The following ROBO1 variants were observed in gnomAD, a reference collection of about 807,000 sequenced individuals.
The protein encoded by ROBO1 is roundabout guidance receptor 1, also known as roundabout homolog 1.
A neutral mutation model predicts 195.9 loss-of-function variants in ROBO1; 149 were observed. That is an observed-to-expected ratio of 0.76 (90% CI 0.67 to 0.87). The LOEUF (loss-of-function observed/expected upper bound fraction) is 0.87, where lower values mean the gene tolerates loss of function less well. Ranked by LOEUF, ROBO1 falls within the 40% of genes least tolerant of loss-of-function variation. ROBO1 has a pLI of 0.00. For missense variants in ROBO1, 1,933 were observed against 2,068.3 expected, an observed-to-expected ratio of 0.93 and a Z score of 1.27; for synonymous variants, 816 against 733.2, an observed-to-expected ratio of 1.11 and a Z score of -1.82.
Position 79,361,376 on chromosome 3 carries a change from T to C in ROBO1, c.88+228448A>G, listed in dbSNP as rs911816092. On this transcript the variant is annotated intron_variant, in intron 2 of 30. Coordinates refer to ENST00000464233, the MANE Select transcript of ROBO1 (RefSeq NM_002941.4). ...AAAATCATCTTTACTATGAGATTTG[T>C]CATAGGTAGCAAAAGGAGAAAAGCA... Among the ~76,000 whole-genome samples the C allele has an allele frequency of 2.7e-4, 41 of 152,032 alleles. 1 individual carries two copies. The highest frequency in any genetic ancestry group is 9.9e-4 in the African/African-American group (41 of 41,426).
intron 2 of ROBO1, among the ~76,000 whole-genome samples, chr3:79,143,306 T>C (rs777835495): frequency 5.8e-4 from 88 of 152,210 alleles, no homozygotes; most frequent in Non-Finnish European, 1.2e-3. Flanking sequence ...TAAAACTGCT[T>C]GCTTACCTAT....
Position 79,721,878 on chromosome 3 carries a change from C to T in ROBO1, c.-51+45874G>A, listed in dbSNP as rs72901781. On this transcript the variant is annotated intron_variant, in intron 1 of 30. Transcript: ENST00000464233. ...ATTGTTTAAAAATATAAAAGTAAAGCCCCCCATTGTCCAAAAAAGTTTATC... is the reference window on the plus strand; with the variant it reads ...ATTGTTTAAAAATATAAAAGTAAAGTCCCCCATTGTCCAAAAAAGTTTATC... Among the ~76,000 whole-genome samples, 137 of 152,162 alleles carry T rather than the reference C, an allele frequency of 9.0e-4. 2 individuals carry two copies. Among genetic ancestry groups the T allele is most frequent in the African/African-American group, 3.2e-3 (132 of 41,526 alleles).
chr3:79,613,125 A>G (rs1233873640), intron 1 of ROBO1, among the ~76,000 whole-genome samples: 1 of 36,424 alleles, frequency 2.7e-5, no homozygotes, highest in African/African-American at 1.1e-4. Context: ...GAATTTCAAA[A>G]GGACTGGGAA....
At chr3:79,475,543 C>A (rs540814190) in intron 2 of ROBO1, among the ~76,000 whole-genome samples, 3 of 151,906 alleles carry the variant, frequency 2.0e-5, no homozygotes, top group African/African-American at 7.2e-5. Flanking sequence ...GAAATTATAA[C>A]CACAAATATT....
intron 3 of ROBO1, among the ~76,000 whole-genome samples, chr3:79,114,594 G>A (rs1391693689): frequency 6.6e-6 from 1 of 152,002 alleles, no homozygotes; most frequent in Non-Finnish European, 1.5e-5. Context: ...GCATTTATAA[G>A]GCATCGACAT....
intron 2 of ROBO1, among the ~76,000 whole-genome samples, chr3:79,531,760 GCAA>G (rs1207916220): frequency 1.3e-5 from 2 of 152,108 alleles, no homozygotes; most frequent in Non-Finnish European, 2.9e-5. Context: ...TGATTCATAT[GCAA>G]ACACATTTCT....
At position 79,637,384 on chromosome 3, in the gene ROBO1, C is replaced by CAAA. The variant is rs71130603; in HGVS notation, c.-50-47426_-50-47424dup. ...TTTTATACTTTCATTTTATAAGTAG[C>CAAA]AAAAAAAAAAAAAAATTAAAATGTG... On this transcript the variant is annotated intron_variant, in intron 1 of 30. Transcript: ENST00000464233. 1.3e-3 allele frequency among the ~76,000 whole-genome samples: 171 copies of CAAA among 131,536 alleles called. 1 individual carries two copies. In the Middle Eastern group the frequency reaches 0.046, roughly 35 times the overall value. 86.3% of individuals were successfully genotyped at this position (131,536 alleles called of 152,430 possible). A position where few individuals can be genotyped will look rare whatever the true frequency, so the allele number is the denominator to read the frequency against.
Position 79,010,297 on chromosome 3 carries a change from T to C in ROBO1, c.173-71370A>G, listed in dbSNP as rs1232151226. On this transcript the variant is annotated intron_variant, in intron 3 of 30. Transcript: ENST00000464233. ...ATTCTGAGATGAGACAGGCTACTTTTATGTCCTCACTCTACTACTTTGACT... is the reference window on the plus strand; with the variant it reads ...ATTCTGAGATGAGACAGGCTACTTTCATGTCCTCACTCTACTACTTTGACT... 2.6e-5 allele frequency among the ~76,000 whole-genome samples: 4 copies of C among 152,274 alleles called. No individual in the cohort carries two copies. The East Asian group carries it at 7.7e-4, about 29-fold the overall frequency.
At chr3:79,228,769 C>T (rs950713254) in intron 2 of ROBO1, among the ~76,000 whole-genome samples, 1 of 152,020 alleles carries the variant, frequency 6.6e-6, no homozygotes, top group African/African-American at 2.4e-5. Flanking sequence ...AACCATATAT[C>T]CTTTCAAAGA....
intron 2 of ROBO1, among the ~76,000 whole-genome samples, chr3:79,231,299 T>C (rs2082317206): frequency 6.6e-6 from 1 of 151,750 alleles, no homozygotes; most frequent in Admixed American, 6.6e-5. Context: ...AATAGGAAAA[T>C]ATTTTTCAAA....
intron 2 of ROBO1, among the ~76,000 whole-genome samples, chr3:79,259,474 A>G (rs1470934963): frequency 6.6e-6 from 1 of 152,054 alleles, no homozygotes; most frequent in Non-Finnish European, 1.5e-5. Context: ...AAAATGTACA[A>G]TTAAGTTATT....
In ROBO1 at chr3:79,172,469, C is replaced by T. The variant is rs369595688; in HGVS notation, c.89-46930G>A. ...GGAAAGTTGCTCTTCCTGGATTGCCCGTGTAAGGAAGAGCACACTTCACAG... is the reference window on the plus strand; with the variant it reads ...GGAAAGTTGCTCTTCCTGGATTGCCTGTGTAAGGAAGAGCACACTTCACAG... On this transcript the variant is annotated intron_variant, in intron 2 of 30. Transcript: ENST00000464233. Among the ~76,000 whole-genome samples the T allele has an allele frequency of 5.3e-5, 8 of 152,194 alleles. No homozygotes were observed. In the South Asian group the frequency reaches 6.2e-4, roughly 12 times the overall value.
At chr3:78,719,878 G>A (rs1430785195) in intron 5 of ROBO1, among the ~76,000 whole-genome samples, 1 of 151,790 alleles carries the variant, frequency 6.6e-6, no homozygotes, top group East Asian at 1.9e-4. Context: ...TATCAAAGTG[G>A]GATTCTTAAA....
chr3:79,252,368 T>C (rs1005017845), intron 2 of ROBO1, among the ~76,000 whole-genome samples: 21 of 152,092 alleles, frequency 1.4e-4, no homozygotes, highest in Non-Finnish European at 2.9e-4. Context: ...GGGGAAAATT[T>C]GGACACACAC....
At chr3:79,300,730 A>C (rs1474450146) in intron 2 of ROBO1, among the ~76,000 whole-genome samples, 1 of 152,082 alleles carries the variant, frequency 6.6e-6, no homozygotes, top group Non-Finnish European at 1.5e-5. Flanking sequence ...AGGGATTGTA[A>C]ATACACCAAT....
chr3:79,498,507 C>T (rs1426784783), intron 2 of ROBO1, among the ~76,000 whole-genome samples: 1 of 152,002 alleles, frequency 6.6e-6, no homozygotes, highest in Non-Finnish European at 1.5e-5. Context: ...CGACAGTATA[C>T]CTTGTCCTAA....
intron 2 of ROBO1, 51 bp from the exon 3 acceptor site, chr3:79,125,590 G>A (rs2080201288): frequency 1.4e-6 from 2 of 1,418,518 alleles, no homozygotes; most frequent in Non-Finnish European, 2.0e-6. Flanking sequence ...AGTAACAGTA[G>A]TTGCCATTTC....
intron 4 of ROBO1, among the ~76,000 whole-genome samples, chr3:78,930,854 T>C (rs1055802502): frequency 2.0e-5 from 3 of 152,206 alleles, no homozygotes; most frequent in Non-Finnish European, 2.9e-5. Context: ...AGGTACAACA[T>C]AGGTGATGTT....
intron 1 of ROBO1, among the ~76,000 whole-genome samples, chr3:79,638,054 T>G (rs993509693): frequency 6.6e-6 from 1 of 152,206 alleles, no homozygotes; most frequent in African/African-American, 2.4e-5. Flanking sequence ...TAATGTATTT[T>G]CAAATTTTCA....
Sources: allele counts gnomAD v4.1 joint callset (sites outside exome capture counted in the v4.1 genomes callset), GRCh38; gene constraint gnomAD v4.1.1; transcripts MANE v1.5; gene names NCBI Gene and HGNC (gene_info 2026-07-23, HGNC 2026-07-21).